ARRB1: variants seen among roughly 807,000 people sequenced by gnomAD.
The protein encoded by ARRB1 is arrestin beta 1.
ARRB1 carries 21 observed loss-of-function variants against 56.8 expected under a neutral mutation model. The ratio of observed to expected loss-of-function variants is 0.37; its 90% CI spans 0.26 to 0.53. The LOEUF (loss-of-function observed/expected upper bound fraction) is 0.53. ARRB1 is among the 20% of genes least tolerant of loss of function. ARRB1 has a pLI of 0.88. For synonymous variants in ARRB1, 210 were observed against 218.6 expected, an observed-to-expected ratio of 0.96 and a Z score of 0.35; for missense variants, 424 against 553.7, an observed-to-expected ratio of 0.77 and a Z score of 2.35.
chr11:75,300,609 A>T (rs976474622), intron 1 of ARRB1, among the ~76,000 whole-genome samples: 1 of 152,192 alleles, frequency 6.6e-6, no homozygotes, highest in Non-Finnish European at 1.5e-5. Context: ...AGGTGGGCGG[A>T]TCATGTGGTC....
intron 1 of ARRB1, among the ~76,000 whole-genome samples, chr11:75,310,592 T>G (rs1246939818): frequency 1.3e-5 from 2 of 152,166 alleles, no homozygotes; most frequent in Non-Finnish European, 2.9e-5. Flanking sequence ...TTACGGAATG[T>G]GCTTCCTTAA....
chr11:75,266,940 A>T (rs1211574133), intron 15 of ARRB1, among the ~76,000 whole-genome samples: 1 of 152,120 alleles, frequency 6.6e-6, no homozygotes, highest in African/African-American at 2.4e-5. Flanking sequence ...TCAGGACTAG[A>T]CTGCCTTTAA....
Position 75,343,566 on chromosome 11 carries a change from C to T in ARRB1, c.20+8022G>A, listed in dbSNP as rs138931675. Among the ~76,000 whole-genome samples the T allele has an allele frequency of 2.6e-5, 4 of 152,284 alleles. No individual in the cohort carries two copies. In the East Asian group the frequency reaches 7.7e-4, roughly 29 times the overall value. ...TTAACTCAGTCCTCATGACAACCTACTACCCTATTTTACAGATAAGGGAGC... is the reference window on the plus strand; with the variant it reads ...TTAACTCAGTCCTCATGACAACCTATTACCCTATTTTACAGATAAGGGAGC... On this transcript the variant is annotated intron_variant, in intron 1 of 15. Transcript: ENST00000420843.
chr11:75,320,871 A>G lies in ARRB1; in HGVS notation c.20+30717T>C, dbSNP rs762032505. On this transcript the variant is annotated intron_variant, in intron 1 of 15. Coordinates refer to ENST00000420843, the MANE Select transcript of ARRB1 (RefSeq NM_004041.5). The stretch of plus-strand genomic sequence containing the variant: ...GGGCGCTGGGACACACTTCATTTCC[A>G]TTCGCAAAGCCTTCATGGGGGCCTT... Among the ~76,000 whole-genome samples, 3 of 152,320 alleles carry G rather than the reference A, an allele frequency of 2.0e-5. No individual in the cohort carries two copies. The East Asian group carries it at 5.8e-4, about 29-fold the overall frequency.
rs1482699259 is a variant in ARRB1, at chr11:75,262,212, G to A, written c.*3951C>T. ...GGTGGTTTCAGCTCCCTGAGCCTGG[G>A]GGCTGGTGGCTCTCTTTAACCTGGG... is the stretch of plus-strand genomic sequence containing the variant. On this transcript the variant is annotated 3_prime_UTR_variant, in exon 16 of 16. Transcript: ENST00000420843. 2 of 152,230 alleles carry A rather than the reference G, an allele frequency of 1.3e-5. No homozygotes were observed. The highest frequency in any genetic ancestry group is 6.5e-5 in the Admixed American group (1 of 15,280). 9.4% of individuals were successfully genotyped at this position (152,230 alleles called of 1,614,324 possible).
chr11:75,285,444 CCTCT>C (rs527591309), intron 3 of ARRB1, among the ~76,000 whole-genome samples: 1 of 152,056 alleles, frequency 6.6e-6, no homozygotes, highest in African/African-American at 2.4e-5. Flanking sequence ...ACCTTTCTTT[CCTCT>C]CTCTCTCCCC....
At chr11:75,306,659 T>C (rs1420713432) in intron 1 of ARRB1, 2 of 1,287,356 alleles carry the variant, frequency 1.6e-6, no homozygotes, top group South Asian at 2.5e-5. Flanking sequence ...AGCTGGGGGC[T>C]GCAGGCAGCA....
intron 1 of ARRB1, among the ~76,000 whole-genome samples, chr11:75,324,601 G>A (rs940942013): frequency 3.3e-5 from 5 of 152,176 alleles, no homozygotes; most frequent in Admixed American, 6.5e-5. Flanking sequence ...GGCCTGGGGA[G>A]TGTGCGTGTG....
Position 75,300,775 on chromosome 11 carries a change from G to A in ARRB1, c.21-10736C>T, listed in dbSNP as rs1343774662. Among the ~76,000 whole-genome samples, 6 of 149,648 alleles carry A rather than the reference G, an allele frequency of 4.0e-5. No homozygotes were observed. In the East Asian group the frequency reaches 1.2e-3, roughly 29 times the overall value. On this transcript the variant is annotated intron_variant, in intron 1 of 15. Coordinates refer to ENST00000420843, the MANE Select transcript of ARRB1 (RefSeq NM_004041.5). ...AGGTCAGGAGATCGAGACCATCCTG[G>A]CTAACACAGTGAAACCCCGTCTCTA... is the stretch of plus-strand genomic sequence containing the variant.
rs2279130 is a variant in ARRB1 at position 75,266,141 on chromosome 11, C to T, written c.*22G>A. 126,287 of 1,592,166 alleles carry T rather than the reference C, an allele frequency of 0.079. 6,094 individuals carry two copies. The highest frequency in any genetic ancestry group is 0.26 in the East Asian group (11,586 of 44,746). ...GTGCACGAGAGTGGAGCCGGAGCCA[C>T]GTGGAGGCAGGGCCGGCCCGTCTAT... On this transcript the variant is annotated 3_prime_UTR_variant, in exon 16 of 16. Transcript: ENST00000420843.
At chr11:75,288,772 C>T (rs889130918) in intron 2 of ARRB1, among the ~76,000 whole-genome samples, 1 of 152,076 alleles carries the variant, frequency 6.6e-6, no homozygotes, top group Non-Finnish European at 1.5e-5. Context: ...TGCACCACCA[C>T]GCCTAGCTAA....
intron 9 of ARRB1, 37 bp from the exon 10 acceptor site, chr11:75,276,948 G>C (rs1395529272): frequency 1.2e-6 from 2 of 1,605,268 alleles, no homozygotes; most frequent in African/African-American, 1.3e-5. Context: ...AGTGAGTCGG[G>C]AATGTAGCTC....
intron 1 of ARRB1, among the ~76,000 whole-genome samples, chr11:75,321,609 T>C (rs1326944644): frequency 6.6e-6 from 1 of 152,118 alleles, no homozygotes; most frequent in African/African-American, 2.4e-5. Context: ...AGTGAACTGG[T>C]CTGCCTTGGT....
chr11:75,343,580 A>C (rs1407328880), intron 1 of ARRB1, among the ~76,000 whole-genome samples: 2 of 152,158 alleles, frequency 1.3e-5, no homozygotes, highest in Non-Finnish European at 2.9e-5. Flanking sequence ...CCTATTTTAC[A>C]GATAAGGGAG....
intron 1 of ARRB1, among the ~76,000 whole-genome samples, chr11:75,328,195 A>G (rs995455653): frequency 6.6e-6 from 1 of 152,134 alleles, no homozygotes; most frequent in Non-Finnish European, 1.5e-5. Context: ...GACTCATACT[A>G]TAGGTGACCT....
intron 1 of ARRB1, among the ~76,000 whole-genome samples, chr11:75,346,824 T>C (rs1219188660): frequency 6.6e-6 from 1 of 152,214 alleles, no homozygotes; most frequent in African/African-American, 2.4e-5. Context: ...TTCATCCACA[T>C]TTCCAAAGCC....
chr11:75,329,586 C>T (rs1947488851), intron 1 of ARRB1, among the ~76,000 whole-genome samples: 1 of 152,150 alleles, frequency 6.6e-6, no homozygotes, highest in Non-Finnish European at 1.5e-5. Flanking sequence ...GACCACTACG[C>T]GGACCACTGC....
chr11:75,282,971 C>T (rs1946383596), intron 5 of ARRB1, among the ~76,000 whole-genome samples: 3 of 152,216 alleles, frequency 2.0e-5, no homozygotes, highest in Admixed American at 2.0e-4. Context: ...GAGCGGGAAA[C>T]CCCTTGCAGT....
chr11:75,339,794 G>T (rs1466445812), intron 1 of ARRB1, among the ~76,000 whole-genome samples: 1 of 152,176 alleles, frequency 6.6e-6, no homozygotes, highest in Non-Finnish European at 1.5e-5. Context: ...CCAGCACAGG[G>T]CCCGGGGTGT....
Sources: gnomAD v4.1 joint callset for allele counts (sites outside exome capture counted in the v4.1 genomes callset) on GRCh38, gnomAD v4.1.1 for gene constraint, MANE v1.5 for transcripts, NCBI Gene and HGNC (gene_info 2026-07-23, HGNC 2026-07-21) for gene names.